Variants in MAOB observed in about 807,000 individuals in gnomAD.
MAOB encodes the protein amine oxidase [flavin-containing] B.
Under a neutral mutation model 41.9 loss-of-function variants are expected in MAOB, and 15 were observed. The observed-to-expected ratio is 0.36, with a 90% confidence interval of 0.24 to 0.55. The LOEUF is 0.55. Among genes scored for constraint, MAOB ranks in the 20% least tolerant of loss-of-function variants. The pLI is 0.86. For synonymous variants in MAOB, 167 were observed against 144.2 expected, an observed-to-expected ratio of 1.16 and a Z score of -1.13; for missense variants, 345 against 398.7, an observed-to-expected ratio of 0.87 and a Z score of 1.15.
intron 3 of MAOB, among the ~76,000 whole-genome samples, chrX:43,807,183 T>C (rs1162193618): frequency 8.9e-6 from 1 of 112,209 alleles, no homozygotes; most frequent in East Asian, 2.8e-4. Context: ...CAGAGTTCAA[T>C]ACATAAAACT....
intron 11 of MAOB, among the ~76,000 whole-genome samples, chrX:43,776,613 AT>A (rs764833152): frequency 7.4e-4 from 77 of 103,890 alleles, no homozygotes; most frequent in African/African-American, 1.9e-3. Flanking sequence ...ACTGAATGGC[AT>A]TTTTTTTTAT....
chrX:43,783,589 T>A (rs917183078), intron 8 of MAOB, among the ~76,000 whole-genome samples: 2 of 112,512 alleles, frequency 1.8e-5, no homozygotes, highest in African/African-American at 6.5e-5. Flanking sequence ...ATGTACATAA[T>A]TTAAGCATAC....
intron 8 of MAOB, among the ~76,000 whole-genome samples, chrX:43,784,872 G>A (rs781110107): frequency 2.7e-5 from 3 of 112,427 alleles, no homozygotes; most frequent in African/African-American, 6.5e-5. Flanking sequence ...TTCCGGTCGG[G>A]TGTGGTGGCT....
At chrX:43,779,150 C>G (rs2034298075) in intron 10 of MAOB, among the ~76,000 whole-genome samples, 1 of 111,136 alleles carries the variant, frequency 9.0e-6, no homozygotes, top group African/African-American at 3.3e-5. Flanking sequence ...AATGATGTAA[C>G]TTGCCACAAG....
chrX:43,803,757 C>T (rs994715160), intron 3 of MAOB, among the ~76,000 whole-genome samples: 25 of 111,616 alleles, frequency 2.2e-4, no homozygotes, highest in Non-Finnish European at 5.6e-5. Context: ...AGTCAGGAGC[C>T]TCTGTGTGCC....
At chrX:43,814,812 T>C (rs962000016) in intron 3 of MAOB, among the ~76,000 whole-genome samples, 1 of 112,135 alleles carries the variant, frequency 8.9e-6, no homozygotes, top group African/African-American at 3.2e-5. Context: ...AGAAGAATTC[T>C]TCAGAGTCTG....
At chrX:43,777,682 A>G (rs188535270) in intron 11 of MAOB, among the ~76,000 whole-genome samples, 174 of 112,010 alleles carry the variant, frequency 1.6e-3, no homozygotes, top group African/African-American at 4.9e-3. Context: ...GCTCAACTAG[A>G]TTGTGGTATA....
intron 1 of MAOB, among the ~76,000 whole-genome samples, chrX:43,849,998 T>C (rs1480928911): frequency 8.9e-6 from 1 of 112,317 alleles, no homozygotes; most frequent in African/African-American, 3.2e-5. Context: ...CACCTTACAT[T>C]TGTACAGCAT....
chrX:43,805,656 G>A (rs2034653978), intron 3 of MAOB, among the ~76,000 whole-genome samples: 2 of 112,094 alleles, frequency 1.8e-5, no homozygotes, highest in African/African-American at 6.5e-5. Flanking sequence ...CCATTGTATG[G>A]ATGCATCACG....
intron 3 of MAOB, among the ~76,000 whole-genome samples, chrX:43,819,181 A>T (rs1320985512): frequency 8.9e-6 from 1 of 111,901 alleles, no homozygotes; most frequent in African/African-American, 3.3e-5. Flanking sequence ...AGATGCTGTG[A>T]TGAGCTTGCA....
chrX:43,824,977 C>A (rs1399632444), intron 3 of MAOB, among the ~76,000 whole-genome samples: 2 of 112,770 alleles, frequency 1.8e-5, no homozygotes, highest in African/African-American at 3.2e-5. Context: ...CCACATCACC[C>A]AGAGTAAATG....
At chrX:43,836,304 C>T (rs990618493) in intron 3 of MAOB, among the ~76,000 whole-genome samples, 1 of 111,754 alleles carries the variant, frequency 8.9e-6, no homozygotes, top group Non-Finnish European at 1.9e-5. Context: ...AGAAAAATGA[C>T]GTATACAAAG....
intron 3 of MAOB, among the ~76,000 whole-genome samples, chrX:43,816,465 T>G (rs2034816121): frequency 8.9e-6 from 1 of 111,935 alleles, no homozygotes; most frequent in African/African-American, 3.3e-5. Flanking sequence ...AATGAATGGT[T>G]GATGTAACTT....
chrX:43,826,896 T>A (rs1267128325), intron 3 of MAOB, among the ~76,000 whole-genome samples: 1 of 111,986 alleles, frequency 8.9e-6, no homozygotes, highest in East Asian at 2.8e-4. Flanking sequence ...TGCCAACACA[T>A]AAATTTTGGG....
intron 1 of MAOB, among the ~76,000 whole-genome samples, chrX:43,848,136 C>T (rs1316644815): frequency 9.0e-6 from 1 of 111,228 alleles, no homozygotes; most frequent in Non-Finnish European, 1.9e-5. Context: ...AAGTTAGATG[C>T]TGTGGGAGAC....
intron 1 of MAOB, among the ~76,000 whole-genome samples, chrX:43,859,309 C>G (rs2035317279): frequency 9.0e-6 from 1 of 111,590 alleles, no homozygotes; most frequent in Non-Finnish European, 1.9e-5. Context: ...TTTGCTTAAT[C>G]ATCATCAGAA....
chrX:43,830,994 AGTGTGTGTGTGTGTGTGT>A lies in MAOB; in HGVS notation c.279+7856_279+7873del, dbSNP rs56322068. ...AGGACACACAAAAGGTCAATGATTA[AGTGTGTGTGTGTGTGTGT>A]GTGTGTGTGTGTGTGTGTGTATGTG... On this transcript the variant is annotated intron_variant, in intron 3 of 14. Coordinates refer to ENST00000378069, the MANE Select transcript of MAOB (RefSeq NM_000898.5). Among the ~76,000 whole-genome samples, 10 of 95,813 alleles carry A rather than the reference AGTGTGTGTGTGTGTGTGT, an allele frequency of 1.0e-4. No homozygotes were observed. The East Asian group carries it at 3.4e-3, about 33-fold the overall frequency. 83.2% of individuals were successfully genotyped at this position (95,813 alleles called of 115,157 possible).
At chrX:43,800,917 C>T (rs1200843317) in intron 5 of MAOB, among the ~76,000 whole-genome samples, 6 of 111,027 alleles carry the variant, frequency 5.4e-5, no homozygotes, top group Admixed American at 9.6e-5. Flanking sequence ...TTTAATATTA[C>T]TATTTTTTCC....
At chrX:43,860,126 T>C (rs1170521503) in intron 1 of MAOB, among the ~76,000 whole-genome samples, 1 of 112,000 alleles carries the variant, frequency 8.9e-6, no homozygotes, top group Non-Finnish European at 1.9e-5. Flanking sequence ...TCATTGCTGC[T>C]TCTTAAATAC....
Sources: gnomAD v4.1 joint callset for allele counts (sites outside exome capture counted in the v4.1 genomes callset) on GRCh38, gnomAD v4.1.1 for gene constraint, MANE v1.5 for transcripts, NCBI Gene and HGNC (gene_info 2026-07-23, HGNC 2026-07-21) for gene names.